The following CACNB4 variants were observed in gnomAD, a reference collection of about 807,000 sequenced individuals.
CACNB4 encodes calcium voltage-gated channel auxiliary subunit beta 4.
A neutral mutation model predicts 71.2 loss-of-function variants in CACNB4; 32 were observed. The ratio of observed to expected loss-of-function variants is 0.45; its 90% CI spans 0.34 to 0.60. The LOEUF (loss-of-function observed/expected upper bound fraction) is 0.60, where lower values mean the gene tolerates loss of function less well. CACNB4 is among the 20% of genes least tolerant of loss of function. The pLI is 0.01. For missense variants in CACNB4, 464 were observed against 647.9 expected, an observed-to-expected ratio of 0.72 and a Z score of 3.08; for synonymous variants, 231 against 236.9, an observed-to-expected ratio of 0.97 and a Z score of 0.23.
intron 2 of CACNB4, among the ~76,000 whole-genome samples, chr2:152,075,034 A>T (rs1455356739): frequency 1.3e-5 from 2 of 152,242 alleles, no homozygotes; most frequent in Non-Finnish European, 2.9e-5. Flanking sequence ...GAAGGCAAAT[A>T]CCGATACATA....
intron 2 of CACNB4, among the ~76,000 whole-genome samples, chr2:152,090,796 A>G (rs183084498): frequency 7.9e-5 from 12 of 152,326 alleles, no homozygotes; most frequent in African/African-American, 2.9e-4. Flanking sequence ...CTGTAATCCT[A>G]GCACTTTGGG....
intron 2 of CACNB4, among the ~76,000 whole-genome samples, chr2:152,000,213 C>T (rs1011810195): frequency 1.2e-4 from 18 of 152,338 alleles, no homozygotes; most frequent in African/African-American, 3.8e-4. Context: ...CAAGGCTTCA[C>T]CACACCTACA....
intron 2 of CACNB4, among the ~76,000 whole-genome samples, chr2:151,907,981 G>T (rs1463003615): frequency 2.0e-5 from 3 of 152,190 alleles, no homozygotes; most frequent in African/African-American, 7.2e-5. Flanking sequence ...AGGGTCACAG[G>T]AGGATTGAAA....
intron 2 of CACNB4, among the ~76,000 whole-genome samples, chr2:152,093,667 G>A (rs1170980264): frequency 1.3e-5 from 2 of 152,102 alleles, no homozygotes; most frequent in Non-Finnish European, 2.9e-5. Context: ...ATGTTGAGAG[G>A]CCCAGGTGGA....
intron 2 of CACNB4, among the ~76,000 whole-genome samples, chr2:152,047,531 T>C (rs969141656): frequency 1.3e-5 from 2 of 152,234 alleles, no homozygotes; most frequent in African/African-American, 4.8e-5. Context: ...ATAATACCCA[T>C]GTATTGATTT....
intron 2 of CACNB4, among the ~76,000 whole-genome samples, chr2:151,901,450 GTCCA>G (rs2099853400): frequency 6.6e-6 from 1 of 152,070 alleles, no homozygotes. Flanking sequence ...TTACTGAAAA[GTCCA>G]GGAAATCATT....
chr2:151,918,070 A>G (rs1478728621), intron 2 of CACNB4, among the ~76,000 whole-genome samples: 1 of 152,176 alleles, frequency 6.6e-6, no homozygotes, highest in Non-Finnish European at 1.5e-5. Context: ...AAAGGGTGCT[A>G]CTGAGTTCCA....
chr2:152,043,189 C>T (rs539762842), intron 2 of CACNB4, among the ~76,000 whole-genome samples: 2 of 152,320 alleles, frequency 1.3e-5, no homozygotes, highest in South Asian at 4.1e-4. Flanking sequence ...GCTGAGCAGC[C>T]CGTGCCACTG....
At chr2:152,072,733 C>T (rs777147417) in intron 2 of CACNB4, among the ~76,000 whole-genome samples, 14 of 151,696 alleles carry the variant, frequency 9.2e-5, no homozygotes, top group Non-Finnish European at 5.9e-5. Context: ...CTCCGCCTCC[C>T]GGTTTCACAC....
At chr2:152,082,932 CTGTTA>C (rs1687441558) in intron 2 of CACNB4, among the ~76,000 whole-genome samples, 1 of 152,192 alleles carries the variant, frequency 6.6e-6, no homozygotes, top group South Asian at 2.1e-4. Context: ...GGTAAATTTT[CTGTTA>C]TATTTATTTT....
chr2:152,001,833 T>C (rs1463348651), intron 2 of CACNB4, among the ~76,000 whole-genome samples: 1 of 152,130 alleles, frequency 6.6e-6, no homozygotes, highest in East Asian at 1.9e-4. Context: ...TCTTATGGGC[T>C]GTGGAATAGA....
At chr2:151,920,888 T>G (rs62175716) in intron 2 of CACNB4, among the ~76,000 whole-genome samples, 1 of 152,024 alleles carries the variant, frequency 6.6e-6, no homozygotes, top group Non-Finnish European at 1.5e-5. Context: ...CCTGTAATCC[T>G]AGCACTTTGG....
At chr2:152,074,999 G>C (rs1686930334) in intron 2 of CACNB4, among the ~76,000 whole-genome samples, 1 of 152,148 alleles carries the variant, frequency 6.6e-6, no homozygotes, top group Non-Finnish European at 1.5e-5. Flanking sequence ...TAAAATGTCA[G>C]ACTTCCCACC....
intron 12 of CACNB4, among the ~76,000 whole-genome samples, chr2:151,846,218 A>G (rs926029207): frequency 6.6e-6 from 1 of 152,154 alleles, no homozygotes; most frequent in Non-Finnish European, 1.5e-5. Context: ...TCACTGCTAA[A>G]CCTTGAAAAT....
chr2:151,957,916 C>A (rs573145229), intron 2 of CACNB4, among the ~76,000 whole-genome samples: 5 of 151,988 alleles, frequency 3.3e-5, no homozygotes, highest in Non-Finnish European at 7.4e-5. Flanking sequence ...AATAGGTATT[C>A]TTTAGGGAAA....
chr2:151,896,168 T>C (rs2099852011), intron 2 of CACNB4, among the ~76,000 whole-genome samples: 1 of 152,202 alleles, frequency 6.6e-6, no homozygotes, highest in African/African-American at 2.4e-5. Flanking sequence ...TCAAAAAGAA[T>C]ATTTCCTGTG....
chr2:151,996,758 T>C (rs1314344120), intron 2 of CACNB4, among the ~76,000 whole-genome samples: 1 of 152,236 alleles, frequency 6.6e-6, no homozygotes, highest in Non-Finnish European at 1.5e-5. Flanking sequence ...TTTCTGTCAC[T>C]TGATTTCCTC....
chr2:151,861,184 T>C (rs1195992772), intron 9 of CACNB4: 2 of 184,710 alleles, frequency 1.1e-5, no homozygotes, highest in African/African-American at 4.7e-5. Context: ...CCACAATTCA[T>C]AGTTGATTTG....
chr2:151,984,099 C>G (rs1366953122), intron 2 of CACNB4, among the ~76,000 whole-genome samples: 1 of 152,166 alleles, frequency 6.6e-6, no homozygotes. Context: ...GTCCAGAGCT[C>G]TATCGAATCA....
Sources: allele counts gnomAD v4.1 joint callset (sites outside exome capture counted in the v4.1 genomes callset), GRCh38; gene constraint gnomAD v4.1.1; transcripts MANE v1.5; gene names NCBI Gene and HGNC (gene_info 2026-07-23, HGNC 2026-07-21).